SMARCAL1: variants seen among roughly 807,000 people sequenced by gnomAD.
The protein encoded by SMARCAL1 is SNF2 related chromatin remodeling annealing helicase 1, also known as ATP-driven annealing helicase.
A neutral mutation model predicts 94.5 loss-of-function variants in SMARCAL1; 58 were observed. The ratio of observed to expected loss-of-function variants is 0.61; its 90% confidence interval spans 0.50 to 0.76. The LOEUF (loss-of-function observed/expected upper bound fraction) is 0.76. SMARCAL1 is among the 30% of genes least tolerant of loss of function. SMARCAL1 has a pLI of 0.00. For synonymous variants in SMARCAL1, 422 were observed against 455.1 expected (o/e 0.93, Z 0.93); for missense variants, 1,051 against 1,177.9 (o/e 0.89, Z 1.58).
At chr2:216,431,295 C>G (rs182870106) in intron 7 of SMARCAL1, among the ~76,000 whole-genome samples, 154 of 152,358 alleles carry the variant, frequency 1.0e-3, no homozygotes, top group African/African-American at 3.6e-3. Flanking sequence ...TCTGTTTTCA[C>G]TGTGTGAGAA....
chr2:216,415,427 C>T lies in SMARCAL1; in HGVS notation c.723C>T (p.Cys241=), dbSNP rs748106387. The T allele has an allele frequency of 1.1e-5, 18 of 1,614,052 alleles. No homozygotes were observed. Among genetic ancestry groups the T allele is most frequent in the African/African-American group, 1.1e-4 (8 of 74,922 alleles). ...GAGTGAACTCTCAGAAGGGAAAGTGCGTAAGGAACGGCGATCGTTTCCAGG... is the reference window on the plus strand; with the variant it reads ...GAGTGAACTCTCAGAAGGGAAAGTGTGTAAGGAACGGCGATCGTTTCCAGG... ...QKGVNSQKGK[C]VRNGDRFQVL... The change falls in exon 3 of 18, where the codon TGC becomes TGT. Residue 241 remains cysteine (C), a synonymous_variant. Coordinates refer to ENST00000357276, the MANE Select transcript of SMARCAL1 (RefSeq NM_014140.4).
rs1694058200 is a variant in SMARCAL1 at position 216,435,340 on chromosome 2, C to T, written c.1488C>T (p.Ala496=). 6.2e-7 allele frequency: 1 copy of T among 1,614,106 alleles called. No homozygotes were observed. The part of the protein sequence containing the change: ...PSSVRFTWEQ[A]FLRWLPSLSP... ...TTGTTCCCTCCTGTCATCCACAGGC[C>T]TTCCTTCGGTGGCTGCCATCTCTGA... Residue 496 remains alanine, a splice_region_variant and synonymous_variant, in exon 9 of 18, where the codon GCC becomes GCT. Coordinates refer to ENST00000357276, the MANE Select transcript of SMARCAL1 (RefSeq NM_014140.4).
chr2:216,448,355 T>C (rs1350268447), intron 11 of SMARCAL1, among the ~76,000 whole-genome samples: 1 of 152,252 alleles, frequency 6.6e-6, no homozygotes, highest in Non-Finnish European at 1.5e-5. Flanking sequence ...GGATCTTCTC[T>C]TTCTTGACTA....
At chr2:216,446,647 G>A in intron 10 of SMARCAL1, 1 of 466,110 alleles carries the variant, frequency 2.1e-6, no homozygotes, top group South Asian at 1.5e-5. Flanking sequence ...TAGCTTCCTT[G>A]TGAATTTTTT....
In SMARCAL1 at chr2:216,464,585, A is replaced by T; in HGVS notation, c.2071-12A>T. On this transcript the variant is annotated splice_polypyrimidine_tract_variant and intron_variant, in intron 12 of 17. Coordinates refer to ENST00000357276, the MANE Select transcript of SMARCAL1 (RefSeq NM_014140.4). ...CTGGGGCACTTAACATTCTTAACTT[A>T]TCTTTCAACAGAAACAGCAGCAGAA... 3 of 1,606,470 alleles carry T rather than the reference A, an allele frequency of 1.9e-6. No individual in the cohort carries two copies. Among genetic ancestry groups the T allele is most frequent in the Middle Eastern group, 1.7e-4 (1 of 6,042 alleles).
rs570231945 is a variant in SMARCAL1 at position 216,436,180 on chromosome 2, G to T, written c.1644+684G>T. On this transcript the variant is annotated intron_variant, in intron 9 of 17. Transcript: ENST00000357276. ...GACGGGGTTTCACCATGTTGGCCAA[G>T]CTAGTCTCGAACTCCTGACCTCAGG... is the stretch of plus-strand genomic sequence containing the variant. Among the ~76,000 whole-genome samples, 10 of 152,250 alleles carry T rather than the reference G, an allele frequency of 6.6e-5. No individual in the cohort carries two copies. In the East Asian group the frequency reaches 1.7e-3, roughly 26 times the overall value.
intron 6 of SMARCAL1, among the ~76,000 whole-genome samples, chr2:216,427,995 G>A (rs193277482): frequency 9.2e-5 from 14 of 152,326 alleles, no homozygotes; most frequent in African/African-American, 3.1e-4. Context: ...TAGCCTTTTG[G>A]TGGGTTACTC....
intron 9 of SMARCAL1, among the ~76,000 whole-genome samples, chr2:216,436,857 C>G (rs1694092233): frequency 6.6e-6 from 1 of 152,220 alleles, no homozygotes; most frequent in Non-Finnish European, 1.5e-5. Flanking sequence ...GCTGATGAAA[C>G]TGGCAGTGAG....
chr2:216,464,592 A>T lies in SMARCAL1; in HGVS notation c.2071-5A>T. 1 of 1,610,534 alleles carries T rather than the reference A, an allele frequency of 6.2e-7. No homozygotes were observed. Among genetic ancestry groups the T allele is most frequent in the African/African-American group, 1.3e-5 (1 of 74,952 alleles). On this transcript the variant is annotated splice_polypyrimidine_tract_variant and splice_region_variant and intron_variant, in intron 12 of 17. Coordinates refer to ENST00000357276, the MANE Select transcript of SMARCAL1 (RefSeq NM_014140.4). ...ACTTAACATTCTTAACTTATCTTTCAACAGAAACAGCAGCAGAAAGATGCC... is the reference window on the plus strand; with the variant it reads ...ACTTAACATTCTTAACTTATCTTTCTACAGAAACAGCAGCAGAAAGATGCC...
At position 216,451,023 on chromosome 2, in the gene SMARCAL1, C is replaced by T. The variant is rs1694440107; in HGVS notation, c.2029C>T (p.Leu677=). The T allele has an allele frequency of 6.2e-7, 1 of 1,614,060 alleles. No homozygotes were observed. Among genetic ancestry groups the T allele is most frequent in the Non-Finnish European group, 8.5e-7 (1 of 1,180,038 alleles). The part of the protein sequence containing the change: ...GRINARTRAA[L]DAAAKEMTTK... The stretch of plus-strand genomic sequence containing the variant: ...GATCAATGCCAGGACCAGAGCTGCC[C>T]TGGATGCTGCAGCCAAGGAAATGAC... The change falls in exon 12 of 18, where the codon CTG becomes TTG. Residue 677 remains leucine (L), a synonymous_variant. Transcript: ENST00000357276.
At chr2:216,423,586 A>C in intron 5 of SMARCAL1, 47 bp from the exon 6 acceptor site, 1 of 1,477,270 alleles carries the variant, frequency 6.8e-7, no homozygotes, top group Non-Finnish European at 9.5e-7. Context: ...ATCACGTAGC[A>C]GAAGGGCAGG....
chr2:216,416,100 C>T, intron 3 of SMARCAL1, 157 bp from the exon 4 acceptor site: 1 of 691,840 alleles, frequency 1.4e-6, no homozygotes, highest in Non-Finnish European at 2.7e-6. Context: ...TCTATATTTA[C>T]TATTTGTCCT....
At chr2:216,432,324 T>TACCA (rs1182741305) in intron 7 of SMARCAL1, among the ~76,000 whole-genome samples, 1 of 151,976 alleles carries the variant, frequency 6.6e-6, no homozygotes, top group East Asian at 1.9e-4. Flanking sequence ...GACTCTGGAG[T>TACCA]GAGTAAGCAT....
At chr2:216,454,586 C>T (rs1304901757) in intron 12 of SMARCAL1, among the ~76,000 whole-genome samples, 1 of 152,136 alleles carries the variant, frequency 6.6e-6, no homozygotes, top group Non-Finnish European at 1.5e-5. Context: ...TAGTGCCTCC[C>T]TCATAGCAAT....
intron 14 of SMARCAL1, among the ~76,000 whole-genome samples, chr2:216,472,332 G>C (rs1031882318): frequency 1.3e-5 from 2 of 152,088 alleles, no homozygotes; most frequent in East Asian, 3.8e-4. Context: ...TGCAGCCTGG[G>C]TGAGAGACAA....
intron 6 of SMARCAL1, 82 bp from the exon 7 acceptor site, chr2:216,428,514 T>C (rs1355596865): frequency 5.1e-6 from 7 of 1,368,190 alleles, no homozygotes; most frequent in Admixed American, 1.7e-5. Context: ...TGGAAGGAAA[T>C]ATATATATCC....
chr2:216,469,274 G>T (rs1246782084), intron 14 of SMARCAL1, among the ~76,000 whole-genome samples: 6 of 141,662 alleles, frequency 4.2e-5, no homozygotes, highest in Non-Finnish European at 9.1e-5. Flanking sequence ...TTGTTTTAGA[G>T]ATTTCTTTTT....
At chr2:216,478,435 C>G (rs751253058) in intron 17 of SMARCAL1, 136 bp downstream of exon 17, 6 of 745,392 alleles carry the variant, frequency 8.0e-6, no homozygotes, top group Non-Finnish European at 1.5e-5. Context: ...AAACAATGGC[C>G]TGCAGTCATT....
intron 9 of SMARCAL1, 63 bp downstream of exon 9, chr2:216,435,559 C>G (rs1438021728): frequency 1.4e-6 from 2 of 1,435,520 alleles, no homozygotes; most frequent in African/African-American, 2.8e-5. Context: ...TGTAAAAGCT[C>G]TGAGAACTTT....
Sources: gnomAD v4.1 joint callset for allele counts (sites outside exome capture counted in the v4.1 genomes callset) on GRCh38, gnomAD v4.1.1 for gene constraint, MANE v1.5 for transcripts, NCBI Gene and HGNC (gene_info 2026-07-23, HGNC 2026-07-21) for gene names.